ATP8A2: variants seen among roughly 807,000 people sequenced by gnomAD.
ATP8A2 encodes the protein phospholipid-transporting ATPase IB.
A neutral mutation model predicts 165.6 loss-of-function variants in ATP8A2; 100 were observed. The ratio of observed to expected loss-of-function variants is 0.60; its 90% CI spans 0.51 to 0.71. The LOEUF (loss-of-function observed/expected upper bound fraction) is 0.71, where lower values mean the gene tolerates loss of function less well. Among genes scored for constraint, ATP8A2 ranks in the 30% least tolerant of loss-of-function variants. The pLI is 0.00. For synonymous variants in ATP8A2, 543 were observed against 548.8 expected, an observed-to-expected ratio of 0.99 and a Z score of 0.15; for missense variants, 1,227 against 1,479.5, an observed-to-expected ratio of 0.83 and a Z score of 2.80.
intron 33 of ATP8A2, among the ~76,000 whole-genome samples, chr13:25,891,990 C>CTT (rs370206922): frequency 2.9e-4 from 41 of 142,718 alleles, no homozygotes; most frequent in East Asian, 1.0e-3. Flanking sequence ...AAGCCTTTTT[C>CTT]TTTTTTTTTT....
intron 25 of ATP8A2, among the ~76,000 whole-genome samples, chr13:25,710,884 C>A (rs1357365358): frequency 6.6e-6 from 1 of 152,178 alleles, no homozygotes; most frequent in African/African-American, 2.4e-5. Flanking sequence ...AGACCCTCTG[C>A]AAACACTAAC....
chr13:25,408,323 G>T (rs1036700094), intron 1 of ATP8A2, among the ~76,000 whole-genome samples: 16 of 151,970 alleles, frequency 1.1e-4, no homozygotes, highest in African/African-American at 1.7e-4. Flanking sequence ...AACCCAGGAG[G>T]CGGAGGTTGC....
rs2044139486 is a variant in ATP8A2, at chr13:25,750,814, A to AATCTTTTT, written c.2385-18231_2385-18224dup. On this transcript the variant is annotated intron_variant, in intron 25 of 36. Transcript: ENST00000381655. This position sits in a 1 kb window ranked among gnomAD's most constrained non-coding sequence, Gnocchi z 4.3. ...GAGTTGCTTGGGGAAAAAAAAAAGG[A>AATCTTTTT]ATCTTTTTGGAATTACACGTGTAGT... Among the ~76,000 whole-genome samples the AATCTTTTT allele has an allele frequency of 1.4e-5, 2 of 145,788 alleles. No homozygotes were observed. The highest frequency in any genetic ancestry group is 3.0e-5 in the Non-Finnish European group (2 of 66,594).
rs1376773497 is a variant in ATP8A2, at chr13:25,479,979, C to T, written c.221+10858C>T. ...TATTCCACAAAACCACCATTGTCAT[C>T]ATGGCCCGTTCTCAATGAGCTGTTG... On this transcript the variant is annotated intron_variant, in intron 2 of 36. Coordinates refer to ENST00000381655, the MANE Select transcript of ATP8A2 (RefSeq NM_016529.6). Among the ~76,000 whole-genome samples, 4 of 152,370 alleles carry T rather than the reference C, an allele frequency of 2.6e-5. No homozygotes were observed. In the East Asian group the frequency reaches 5.8e-4, roughly 22 times the overall value.
intron 27 of ATP8A2, among the ~76,000 whole-genome samples, chr13:25,814,534 C>A (rs1950959381): frequency 6.7e-6 from 1 of 150,294 alleles, no homozygotes; most frequent in African/African-American, 2.5e-5. Flanking sequence ...ATACGTAGAC[C>A]CAATGGAATA....
In ATP8A2 at chr13:25,699,346, G is replaced by A. The variant is rs775726736; in HGVS notation, c.2384+1G>A. On this transcript the variant is annotated splice_donor_variant, in intron 25 of 36. Transcript: ENST00000381655. LOFTEE classifies it high-confidence loss of function. ...CGTGCAAAGCGGTCATATGCTGCAG[G>A]TAGGAACCTGCAGGCTGTGCACAGT... is the stretch of plus-strand genomic sequence containing the variant. 1 of 1,606,570 alleles carries A rather than the reference G, an allele frequency of 6.2e-7. No individual in the cohort carries two copies.
intron 24 of ATP8A2, among the ~76,000 whole-genome samples, chr13:25,602,845 G>A (rs138876934): frequency 0.014 from 2,165 of 151,922 alleles, 45 homozygotes; most frequent in African/African-American, 0.05. Context: ...GCAGAGGCGG[G>A]CAGATCATGA....
chr13:25,480,196 GA>G (rs1392494213), intron 2 of ATP8A2, among the ~76,000 whole-genome samples: 1 of 150,806 alleles, frequency 6.6e-6, no homozygotes, highest in South Asian at 2.1e-4. Context: ...CTCCCGGACG[GA>G]GTGGCTGGCC....
At chr13:25,730,413 G>T (rs2043594768) in intron 25 of ATP8A2, among the ~76,000 whole-genome samples, 1 of 152,152 alleles carries the variant, frequency 6.6e-6, no homozygotes, top group African/African-American at 2.4e-5. Context: ...GGCAGTTTCA[G>T]CTATGTGTGG....
At chr13:25,999,261 G>T (rs1246098257) in intron 35 of ATP8A2, among the ~76,000 whole-genome samples, 1 of 152,160 alleles carries the variant, frequency 6.6e-6, no homozygotes, top group Non-Finnish European at 1.5e-5. Context: ...GTGTGCTGGT[G>T]TTTTCCAGGG....
rs2039727750 is a variant in ATP8A2 at position 25,579,955 on chromosome 13, C to T, written c.2007+8C>T. ...TACGAGATCATTGAGAAGGTAACCG[C>T]ACACAATACAGTCTTTTCAGCTCCA... is the stretch of plus-strand genomic sequence containing the variant. On this transcript the variant is annotated splice_region_variant and intron_variant, in intron 22 of 36. Transcript: ENST00000381655. 3.1e-6 allele frequency: 5 copies of T among 1,613,756 alleles called. No homozygotes were observed. Among genetic ancestry groups the T allele is most frequent in the Non-Finnish European group, 3.4e-6 (4 of 1,179,834 alleles).
intron 1 of ATP8A2, among the ~76,000 whole-genome samples, chr13:25,446,824 C>T (rs2035081423): frequency 6.6e-6 from 1 of 151,092 alleles, no homozygotes; most frequent in Admixed American, 6.6e-5. Context: ...TATAAGAGAA[C>T]TTTGATTTTT....
intron 13 of ATP8A2, among the ~76,000 whole-genome samples, chr13:25,557,972 C>G (rs113901780): frequency 5.9e-5 from 9 of 151,846 alleles, no homozygotes; most frequent in Non-Finnish European, 1.0e-4. Context: ...GGTGCGATCT[C>G]GGCTCACTGC....
chr13:25,838,439 C>A (rs1469162931), intron 29 of ATP8A2, among the ~76,000 whole-genome samples: 2 of 152,120 alleles, frequency 1.3e-5, no homozygotes, highest in Non-Finnish European at 2.9e-5. Context: ...AAAATATGAC[C>A]CATTTTCACT....
chr13:25,560,302 C>G (rs1416046139), intron 15 of ATP8A2, among the ~76,000 whole-genome samples: 2 of 152,138 alleles, frequency 1.3e-5, no homozygotes. Context: ...TTCAGTGTTT[C>G]CCACTCACTC....
At chr13:25,906,809 G>A (rs774264309) in intron 33 of ATP8A2, among the ~76,000 whole-genome samples, 1 of 152,146 alleles carries the variant, frequency 6.6e-6, no homozygotes, top group African/African-American at 2.4e-5. Context: ...CCATGTCTTC[G>A]TCTCTTTCTC....
chr13:25,510,138 C>CT (rs2037175185), intron 2 of ATP8A2, among the ~76,000 whole-genome samples: 2 of 151,882 alleles, frequency 1.3e-5, no homozygotes, highest in South Asian at 4.2e-4. Context: ...CTTTCTCTCT[C>CT]TGACTCCCTG....
chr13:25,651,507 T>C (rs373260699), intron 24 of ATP8A2, among the ~76,000 whole-genome samples: 18 of 152,322 alleles, frequency 1.2e-4, no homozygotes, highest in African/African-American at 7.2e-5. Flanking sequence ...AGCTTTTTTT[T>C]CTGCAGATTT....
chr13:25,735,835 A>G (rs1401120699), intron 25 of ATP8A2, among the ~76,000 whole-genome samples: 1 of 152,152 alleles, frequency 6.6e-6, no homozygotes, highest in African/African-American at 2.4e-5. Context: ...GCCTAAGTGT[A>G]TAGTATTTAT....
Sources: gnomAD v4.1 joint callset for allele counts (sites outside exome capture counted in the v4.1 genomes callset) on GRCh38, gnomAD v4.1.1 for gene constraint, Gnocchi (gnomAD v3.1) non-coding constraint, MANE v1.5 for transcripts, NCBI Gene and HGNC (gene_info 2026-07-23, HGNC 2026-07-21) for gene names.